The following PRKG2 variants were observed in gnomAD, a reference collection of about 807,000 sequenced individuals.
The protein encoded by PRKG2 is protein kinase cGMP-dependent 2, also known as cGMP-dependent protein kinase 2.
A neutral mutation model predicts 97.2 loss-of-function variants in PRKG2; 33 were observed. The ratio of observed to expected loss-of-function variants is 0.34; its 90% CI spans 0.26 to 0.45. PRKG2 has a LOEUF of 0.45. Ranked by LOEUF, PRKG2 falls within the 20% of genes least tolerant of loss-of-function variation. The probability of loss-of-function intolerance (pLI) is 1.00; values close to 1 mark genes in which losing one functional copy is unlikely to be tolerated. For missense variants in PRKG2, 638 were observed against 900.0 expected, an observed-to-expected ratio of 0.71 and a Z score of 3.73; for synonymous variants, 330 against 321.8, an observed-to-expected ratio of 1.03 and a Z score of -0.27.
chr4:81,192,800 C>G (rs767306667), intron 2 of PRKG2, among the ~76,000 whole-genome samples: 1 of 152,148 alleles, frequency 6.6e-6, no homozygotes, highest in East Asian at 1.9e-4. Context: ...CAAAGTTCCT[C>G]CAATGGGGCT....
chr4:81,125,470 A>G (rs1409797178), intron 14 of PRKG2, among the ~76,000 whole-genome samples: 1 of 152,220 alleles, frequency 6.6e-6, no homozygotes, highest in East Asian at 1.9e-4. Flanking sequence ...ATTGGTGAGC[A>G]GCATTCCATT....
chr4:81,090,349 C>T (rs371143422), intron 18 of PRKG2, among the ~76,000 whole-genome samples: 2 of 151,134 alleles, frequency 1.3e-5, no homozygotes, highest in Non-Finnish European at 2.9e-5. Context: ...CAGAGTGAGA[C>T]TTTCTCTCAA....
At chr4:81,120,618 G>A (rs1744985854) in intron 14 of PRKG2, among the ~76,000 whole-genome samples, 1 of 152,176 alleles carries the variant, frequency 6.6e-6, no homozygotes, top group Non-Finnish European at 1.5e-5. Context: ...ATATAGGAAA[G>A]TGATTGATTT....
At chr4:81,148,561 T>C (rs577312833) in intron 9 of PRKG2, among the ~76,000 whole-genome samples, 2 of 152,308 alleles carry the variant, frequency 1.3e-5, no homozygotes, top group African/African-American at 4.8e-5. Flanking sequence ...TTGTTCACTA[T>C]ATTGTATGGA....
chr4:81,170,895 G>A (rs1271551411), intron 4 of PRKG2, among the ~76,000 whole-genome samples: 1 of 152,006 alleles, frequency 6.6e-6, no homozygotes, highest in South Asian at 2.1e-4. Context: ...TGAGCCAAAG[G>A]CATGTGTCTA....
chr4:81,128,194 G>A (rs557739269), intron 14 of PRKG2, among the ~76,000 whole-genome samples: 47 of 152,290 alleles, frequency 3.1e-4, no homozygotes, highest in Admixed American at 1.4e-3. Context: ...CTTGATCGTG[G>A]TGGATAAACT....
chr4:81,174,668 T>C, intron 3 of PRKG2, 125 bp downstream of exon 3: 1 of 969,514 alleles, frequency 1.0e-6, no homozygotes, highest in South Asian at 1.9e-5. Flanking sequence ...TTTTGCTATT[T>C]CATGATTCAA....
chr4:81,097,299 A>C (rs1742219114), intron 17 of PRKG2, among the ~76,000 whole-genome samples: 1 of 152,194 alleles, frequency 6.6e-6, no homozygotes, highest in Non-Finnish European at 1.5e-5. Context: ...ATGAACAGTA[A>C]TATTTGAAAG....
intron 2 of PRKG2, among the ~76,000 whole-genome samples, chr4:81,194,514 A>T (rs942318544): frequency 6.6e-6 from 1 of 152,148 alleles, no homozygotes; most frequent in Non-Finnish European, 1.5e-5. Context: ...TCTTCTCTCA[A>T]TTCTTTTACT....
intron 17 of PRKG2, among the ~76,000 whole-genome samples, chr4:81,099,843 C>T (rs1742536033): frequency 1.3e-5 from 2 of 152,296 alleles, no homozygotes; most frequent in Admixed American, 1.3e-4. Flanking sequence ...TCTCCTTAAG[C>T]TCATAGGCAA....
intron 1 of PRKG2, among the ~76,000 whole-genome samples, chr4:81,206,949 G>T (rs190247673): frequency 2.6e-5 from 4 of 152,296 alleles, no homozygotes; most frequent in African/African-American, 9.6e-5. Context: ...GGTTCAAAGT[G>T]GTCATTAATA....
intron 4 of PRKG2, 121 bp from the exon 5 acceptor site, chr4:81,169,889 A>AT (rs1468267632): frequency 5.1e-6 from 3 of 587,836 alleles, no homozygotes; most frequent in Non-Finnish European, 8.3e-6. Context: ...AAAATGTATT[A>AT]TTTAAACATA....
chr4:81,149,922 G>A (rs1395406746), intron 8 of PRKG2, among the ~76,000 whole-genome samples: 1 of 152,120 alleles, frequency 6.6e-6, no homozygotes, highest in Non-Finnish European at 1.5e-5. Context: ...CTATTTCAAA[G>A]ACCCCTATCT....
chr4:81,188,076 T>C (rs1216063531), intron 2 of PRKG2, among the ~76,000 whole-genome samples: 7 of 151,892 alleles, frequency 4.6e-5, no homozygotes, highest in Non-Finnish European at 8.8e-5. Flanking sequence ...ACCATCAGAG[T>C]GAACAGGCAA....
At chr4:81,122,898 C>T (rs1745202395) in intron 14 of PRKG2, among the ~76,000 whole-genome samples, 1 of 152,206 alleles carries the variant, frequency 6.6e-6, no homozygotes, top group South Asian at 2.1e-4. Context: ...TTTCCAGACT[C>T]CATCCCACTG....
rs60004845 is a variant in PRKG2 at position 81,093,360 on chromosome 4, AACACACACACACACAC to A, written c.2127-924_2127-909del. On this transcript the variant is annotated intron_variant, in intron 17 of 18. Coordinates refer to ENST00000264399, the MANE Select transcript of PRKG2 (RefSeq NM_006259.3). ...TCTAAAATTGAAACTCTCCCCCACC[AACACACACACACACAC>A]ACACACACACACACACACACACACA... is the stretch of plus-strand genomic sequence containing the variant. Among the ~76,000 whole-genome samples, 28 of 116,382 alleles carry A rather than the reference AACACACACACACACAC, an allele frequency of 2.4e-4. No individual in the cohort carries two copies. In the South Asian group the frequency reaches 4.9e-3, roughly 20 times the overall value. The allele number at this position is 116,382 out of a possible 152,430, so 76.4% of individuals were successfully genotyped here.
At chr4:81,119,441 G>A (rs1387082616) in intron 14 of PRKG2, among the ~76,000 whole-genome samples, 2 of 151,954 alleles carry the variant, frequency 1.3e-5, no homozygotes, top group Non-Finnish European at 1.5e-5. Flanking sequence ...TCTATTTCTG[G>A]GCTCTATATT....
chr4:81,156,864 A>T (rs1330819161), intron 6 of PRKG2, among the ~76,000 whole-genome samples: 1 of 152,208 alleles, frequency 6.6e-6, no homozygotes, highest in East Asian at 1.9e-4. Flanking sequence ...AGAAATAAAG[A>T]TGTTCTTTGA....
chr4:81,126,863 T>C (rs555357664), intron 14 of PRKG2, among the ~76,000 whole-genome samples: 2 of 152,288 alleles, frequency 1.3e-5, no homozygotes, highest in African/African-American at 4.8e-5. Flanking sequence ...GTGCAGAAGC[T>C]CCTTAGTTAA....
Sources: gnomAD v4.1 joint callset for allele counts (sites outside exome capture counted in the v4.1 genomes callset) on GRCh38, gnomAD v4.1.1 for gene constraint, MANE v1.5 for transcripts, NCBI Gene and HGNC (gene_info 2026-07-23, HGNC 2026-07-21) for gene names.